The following CHN1 variants were observed in gnomAD, a reference collection of about 807,000 sequenced individuals.
CHN1 encodes the protein N-chimaerin.
Under a neutral mutation model 59.5 loss-of-function variants are expected in CHN1, and 37 were observed. The ratio of observed to expected loss-of-function variants is 0.62; its 90% CI spans 0.48 to 0.82. The LOEUF (loss-of-function observed/expected upper bound fraction) is 0.82, where lower values mean the gene tolerates loss of function less well. Ranked by LOEUF, CHN1 falls within the 40% of genes least tolerant of loss-of-function variation. The pLI is 0.00. For synonymous variants in CHN1, 206 were observed against 200.4 expected (o/e 1.03, Z -0.24); for missense variants, 469 against 571.0 (o/e 0.82, Z 1.82).
intron 2 of CHN1, among the ~76,000 whole-genome samples, chr2:174,950,347 G>T (rs1306591254): frequency 6.6e-6 from 1 of 150,698 alleles, no homozygotes; most frequent in Non-Finnish European, 1.5e-5. Flanking sequence ...GCTCACTGTA[G>T]TCTCTGCCTC....
intron 1 of CHN1, among the ~76,000 whole-genome samples, 160 bp from the exon 2 acceptor site, chr2:174,952,362 CCTTA>C (rs1278919486): frequency 6.6e-6 from 1 of 151,846 alleles, no homozygotes; most frequent in Non-Finnish European, 1.5e-5. Flanking sequence ...TAGTCTTGGT[CCTTA>C]CTTAGTTGGA....
At chr2:174,971,036 C>T (rs1386801183) in intron 1 of CHN1, among the ~76,000 whole-genome samples, 2 of 152,046 alleles carry the variant, frequency 1.3e-5, no homozygotes, top group Non-Finnish European at 2.9e-5. Flanking sequence ...AGTCATTTTT[C>T]GACTGGGCGT....
chr2:174,975,869 C>G (rs998280427), intron 1 of CHN1, among the ~76,000 whole-genome samples: 1 of 151,886 alleles, frequency 6.6e-6, no homozygotes, highest in Non-Finnish European at 1.5e-5. Flanking sequence ...CACCTGTAAT[C>G]CCAGCACTTT....
intron 7 of CHN1, among the ~76,000 whole-genome samples, chr2:174,836,717 C>A (rs189219167): frequency 6.6e-6 from 1 of 152,320 alleles, no homozygotes; most frequent in African/African-American, 2.4e-5. Context: ...TCGTATAGAG[C>A]TGACCTCTTC....
At chr2:174,803,488 C>T (rs1454422856) in intron 11 of CHN1, among the ~76,000 whole-genome samples, 1 of 152,208 alleles carries the variant, frequency 6.6e-6, no homozygotes, top group Non-Finnish European at 1.5e-5. Flanking sequence ...GTAGTGCCAG[C>T]TCAGATACTG....
At chr2:174,995,917 C>T (rs1691691715) in intron 1 of CHN1, among the ~76,000 whole-genome samples, 2 of 152,116 alleles carry the variant, frequency 1.3e-5, no homozygotes, top group Admixed American at 1.3e-4. Flanking sequence ...CCCCAAAGTA[C>T]AAGAGTAGCA....
intron 1 of CHN1, among the ~76,000 whole-genome samples, chr2:174,963,613 G>A (rs2105429253): frequency 6.6e-6 from 1 of 152,328 alleles, no homozygotes. Flanking sequence ...AGGCCCTGGA[G>A]GGAACCTGGG....
chr2:174,989,741 GATCA>G (rs933510365), intron 1 of CHN1, among the ~76,000 whole-genome samples: 7 of 151,020 alleles, frequency 4.6e-5, no homozygotes, highest in African/African-American at 1.7e-4. Context: ...AGTGAGCAGT[GATCA>G]CACCACCACA....
intron 2 of CHN1, among the ~76,000 whole-genome samples, chr2:174,946,659 A>G: frequency 6.6e-6 from 1 of 152,110 alleles, no homozygotes. Flanking sequence ...AAAAGCACTA[A>G]AGTCAAATTT....
At chr2:174,990,262 T>TGTGTGTGA (rs1347961292) in intron 1 of CHN1, among the ~76,000 whole-genome samples, 1 of 89,388 alleles carries the variant, frequency 1.1e-5, no homozygotes, top group Non-Finnish European at 2.1e-5. Flanking sequence ...TGTGTGTGTG[T>TGTGTGTGA]GAGAGAGAGA....
rs1349768556 is a variant in CHN1 at position 174,952,271 on chromosome 2, ACT to A, written c.20-71_20-70del. 3.8e-5 allele frequency: 36 copies of A among 945,732 alleles called. No individual in the cohort carries two copies. In the East Asian group the frequency reaches 1.1e-3, roughly 30 times the overall value. 58.6% of individuals were successfully genotyped at this position (945,732 alleles called of 1,614,324 possible). A position where few individuals can be genotyped will look rare whatever the true frequency, so the allele number is the denominator to read the frequency against. ...TTTAAATGAGACATTTTAATCATTAACTCATTTAATATATATCTGTTGAGATC... is the reference window on the plus strand; with the variant it reads ...TTTAAATGAGACATTTTAATCATTAACATTTAATATATATCTGTTGAGATC... On this transcript the variant is annotated intron_variant, in intron 1 of 12. Transcript: ENST00000409900.
intron 3 of CHN1, among the ~76,000 whole-genome samples, chr2:174,925,347 G>A (rs1689138516): frequency 6.6e-6 from 1 of 152,194 alleles, no homozygotes; most frequent in Admixed American, 6.5e-5. Context: ...AGTATCATAT[G>A]ACAGATAGCA....
chr2:174,853,000 G>C (rs1686786473), intron 6 of CHN1, among the ~76,000 whole-genome samples: 1 of 152,080 alleles, frequency 6.6e-6, no homozygotes, highest in Non-Finnish European at 1.5e-5. Context: ...TCCTAGAGGA[G>C]AACCTAGGAA....
chr2:174,892,698 A>T (rs1688091149), intron 5 of CHN1, among the ~76,000 whole-genome samples: 1 of 152,224 alleles, frequency 6.6e-6, no homozygotes, highest in Non-Finnish European at 1.5e-5. Context: ...ATGAATATTG[A>T]AACAGAAATC....
At chr2:174,911,361 G>C (rs1393118215) in intron 5 of CHN1, among the ~76,000 whole-genome samples, 1 of 152,150 alleles carries the variant, frequency 6.6e-6, no homozygotes, top group East Asian at 1.9e-4. Context: ...TCAGCATACA[G>C]AAAATCCGAG....
intron 3 of CHN1, among the ~76,000 whole-genome samples, chr2:174,940,954 T>G (rs1403763372): frequency 6.6e-6 from 1 of 152,236 alleles, no homozygotes; most frequent in African/African-American, 2.4e-5. Flanking sequence ...TTCTACATTT[T>G]AAGTGTCATT....
At position 174,860,708 on chromosome 2, in the gene CHN1, A is replaced by G. The variant is rs146767007; in HGVS notation, c.550-13751T>C. Among the ~76,000 whole-genome samples, 676 of 152,278 alleles carry G rather than the reference A, an allele frequency of 4.4e-3. 5 individuals carry two copies. Among genetic ancestry groups the G allele is most frequent in the African/African-American group, 0.015 (636 of 41,552 alleles). ...TGCTGCATGAATAATGTATTTTTGC[A>G]CCGTATTTTTGTCCCATAATCACAT... On this transcript the variant is annotated intron_variant, in intron 6 of 12. Coordinates refer to ENST00000409900, the MANE Select transcript of CHN1 (RefSeq NM_001822.7).
In CHN1 at chr2:174,929,110, C is replaced by G. The variant is rs1172377427; in HGVS notation, c.115-10545G>C. On this transcript the variant is annotated intron_variant, in intron 3 of 12. Transcript: ENST00000409900. Reference sequence around the variant, plus strand: ...CCTTCCTACCCAGTGCTACAGCATTCTAGTTACCAGTACTAGAAATGCAGC... The same window carrying G: ...CCTTCCTACCCAGTGCTACAGCATTGTAGTTACCAGTACTAGAAATGCAGC... 2.6e-5 allele frequency among the ~76,000 whole-genome samples: 4 copies of G among 152,202 alleles called. No individual in the cohort carries two copies. In the East Asian group the frequency reaches 5.8e-4, roughly 22 times the overall value.
At chr2:175,002,739 C>T (rs1198809943) in intron 1 of CHN1, among the ~76,000 whole-genome samples, 3 of 152,182 alleles carry the variant, frequency 2.0e-5, no homozygotes, top group Non-Finnish European at 4.4e-5. Context: ...CTGACAAATC[C>T]TGTTGATCTG....
Sources: gnomAD v4.1 joint callset for allele counts (sites outside exome capture counted in the v4.1 genomes callset) on GRCh38, gnomAD v4.1.1 for gene constraint, MANE v1.5 for transcripts, NCBI Gene and HGNC (gene_info 2026-07-23, HGNC 2026-07-21) for gene names.